Variants in CDH18 observed in about 807,000 individuals in gnomAD.
The protein encoded by CDH18 is cadherin 18, also known as cadherin-18.
Under a neutral mutation model 67.9 loss-of-function variants are expected in CDH18, and 31 were observed. The ratio of observed to expected loss-of-function variants is 0.46; its 90% confidence interval spans 0.34 to 0.62. The LOEUF is 0.62. Ranked by LOEUF, CDH18 falls within the 20% of genes least tolerant of loss-of-function variation. The pLI is 0.01. For missense variants in CDH18, 890 were observed against 975.5 expected, an observed-to-expected ratio of 0.91 and a Z score of 1.17; for synonymous variants, 362 against 347.2, an observed-to-expected ratio of 1.04 and a Z score of -0.48.
chr5:20,019,176 A>G (rs1738175658), intron 2 of CDH18, among the ~76,000 whole-genome samples: 1 of 152,212 alleles, frequency 6.6e-6, no homozygotes, highest in Non-Finnish European at 1.5e-5. Flanking sequence ...TGAAATCACT[A>G]CAAAAGGAGT....
At chr5:19,817,776 T>G (rs2149928708) in intron 3 of CDH18, among the ~76,000 whole-genome samples, 1 of 152,210 alleles carries the variant, frequency 6.6e-6, no homozygotes, top group South Asian at 2.1e-4. Context: ...TGAGGTAGAC[T>G]TCTTACCCAG....
chr5:20,167,854 T>A (rs73762528), intron 2 of CDH18, among the ~76,000 whole-genome samples: 8,097 of 152,216 alleles, frequency 0.053, 257 homozygotes, highest in East Asian at 0.15. Context: ...CTGCCTGATA[T>A]CTCTTGCCAG....
chr5:20,469,359 T>G (rs1471311145), intron 1 of CDH18, among the ~76,000 whole-genome samples: 1 of 152,044 alleles, frequency 6.6e-6, no homozygotes, highest in Non-Finnish European at 1.5e-5. Context: ...GCAGAAAGCA[T>G]TTTTTCTAAA....
At chr5:19,886,489 T>C (rs1364062633) in intron 2 of CDH18, among the ~76,000 whole-genome samples, 2 of 152,168 alleles carry the variant, frequency 1.3e-5, no homozygotes, top group Non-Finnish European at 2.9e-5. Flanking sequence ...TGACATCCAG[T>C]CCGAGTTTCT....
intron 3 of CDH18, among the ~76,000 whole-genome samples, chr5:19,777,688 T>C (rs1179971402): frequency 6.6e-6 from 1 of 152,230 alleles, no homozygotes; most frequent in African/African-American, 2.4e-5. Context: ...CAAATAAATA[T>C]CTTACAGCCT....
At chr5:19,602,075 C>T (rs1747231325) in intron 6 of CDH18, among the ~76,000 whole-genome samples, 1 of 152,000 alleles carries the variant, frequency 6.6e-6, no homozygotes, top group African/African-American at 2.4e-5. Flanking sequence ...TTTTATTCAA[C>T]ATAATACTGG....
chr5:20,493,949 C>A lies in CDH18; in HGVS notation c.-580+81513G>T, dbSNP rs1455457871. On this transcript the variant is annotated intron_variant, in intron 1 of 14. Transcript: ENST00000507958. Reference sequence around the variant, plus strand: ...AAAACAAAAACAAAAACAAAAACAGCAAAAAAAAAACCAGCCTTGTGCAGT... The same window carrying A: ...AAAACAAAAACAAAAACAAAAACAGAAAAAAAAAAACCAGCCTTGTGCAGT... Among the ~76,000 whole-genome samples the A allele has an allele frequency of 4.2e-3, 615 of 145,820 alleles. 2 individuals are homozygous for A. Among genetic ancestry groups the A allele is most frequent in the African/African-American group, 0.014 (552 of 39,012 alleles).
intron 2 of CDH18, among the ~76,000 whole-genome samples, chr5:20,077,355 A>T (rs1386669533): frequency 6.6e-6 from 1 of 152,226 alleles, no homozygotes; most frequent in African/African-American, 2.4e-5. Flanking sequence ...TGTTGACCAG[A>T]CAAATTGTCG....
chr5:19,897,334 T>G (rs1052668767), intron 2 of CDH18, among the ~76,000 whole-genome samples: 1 of 152,064 alleles, frequency 6.6e-6, no homozygotes, highest in African/African-American at 2.4e-5. Context: ...ATGATGAAAT[T>G]TATTAATTAT....
intron 1 of CDH18, among the ~76,000 whole-genome samples, chr5:20,509,466 G>A (rs367868711): frequency 1.6e-4 from 24 of 148,464 alleles, no homozygotes; most frequent in African/African-American, 5.5e-4. Flanking sequence ...GCAGTGGCAC[G>A]ATCTTCACTC....
intron 1 of CDH18, among the ~76,000 whole-genome samples, chr5:20,483,523 A>C (rs544394169): frequency 1.8e-4 from 27 of 152,026 alleles, no homozygotes; most frequent in Non-Finnish European, 3.8e-4. Context: ...AAATTATACT[A>C]TAAAGTTATA....
At chr5:19,949,391 T>G (rs2150257554) in intron 2 of CDH18, among the ~76,000 whole-genome samples, 1 of 152,198 alleles carries the variant, frequency 6.6e-6, no homozygotes, top group African/African-American at 2.4e-5. Context: ...CAGAAACAAA[T>G]AATATTTCTC....
Position 20,552,221 on chromosome 5 carries a change from A to C in CDH18, c.-580+23241T>G, listed in dbSNP as rs528940396. Among the ~76,000 whole-genome samples the C allele has an allele frequency of 2.2e-3, 342 of 152,150 alleles. 1 individual carries two copies. Among genetic ancestry groups the C allele is most frequent in the Middle Eastern group, 0.017 (5 of 294 alleles). ...GGTGGGCGCATTGGCTCATGCCTATAATAACAGCACTTCAGGAGACCGACA... is the reference window on the plus strand; with the variant it reads ...GGTGGGCGCATTGGCTCATGCCTATCATAACAGCACTTCAGGAGACCGACA... On this transcript the variant is annotated intron_variant, in intron 1 of 14. Coordinates refer to the CDH18 transcript ENST00000507958.
intron 5 of CDH18, among the ~76,000 whole-genome samples, chr5:19,652,054 T>C (rs1367162482): frequency 6.6e-6 from 1 of 152,102 alleles, no homozygotes; most frequent in Non-Finnish European, 1.5e-5. Flanking sequence ...TAACATTTTA[T>C]GTAATTTTTA....
chr5:20,542,174 A>T (rs1703062), intron 1 of CDH18, among the ~76,000 whole-genome samples: 60,140 of 152,092 alleles, frequency 0.4, 13,330 homozygotes, highest in East Asian at 0.56. Context: ...CAGTTTTTCC[A>T]TAGTATCTAC....
At chr5:20,132,846 A>G (rs1325378440) in intron 2 of CDH18, among the ~76,000 whole-genome samples, 1 of 152,140 alleles carries the variant, frequency 6.6e-6, no homozygotes, top group Non-Finnish European at 1.5e-5. Context: ...CAAATTATTA[A>G]GTTTTATATA....
At chr5:19,738,154 G>T (rs1321806603) in intron 4 of CDH18, among the ~76,000 whole-genome samples, 1 of 149,948 alleles carries the variant, frequency 6.7e-6, no homozygotes, top group Non-Finnish European at 1.5e-5. Flanking sequence ...ACTTTGTTAG[G>T]TGCACATGAT....
At chr5:19,945,244 T>C (rs1795184277) in intron 2 of CDH18, among the ~76,000 whole-genome samples, 1 of 151,992 alleles carries the variant, frequency 6.6e-6, no homozygotes, top group South Asian at 2.1e-4. Context: ...AGGAAACCTA[T>C]AGGCAACACA....
At chr5:19,536,110 T>C (rs1049932898) in intron 9 of CDH18, among the ~76,000 whole-genome samples, 10 of 152,186 alleles carry the variant, frequency 6.6e-5, no homozygotes, top group African/African-American at 2.4e-4. Flanking sequence ...AGACATTCAC[T>C]AAGTATTTGA....
Sources: gnomAD v4.1 joint callset for allele counts (sites outside exome capture counted in the v4.1 genomes callset) on GRCh38, gnomAD v4.1.1 for gene constraint, MANE v1.5 for transcripts, NCBI Gene and HGNC (gene_info 2026-07-23, HGNC 2026-07-21) for gene names.